SGIP1: variants seen among roughly 807,000 people sequenced by gnomAD.
SGIP1 encodes the protein SH3-containing GRB2-like protein 3-interacting protein 1.
SGIP1 carries 38 observed loss-of-function variants against 107.5 expected under a neutral mutation model. The ratio of observed to expected loss-of-function variants is 0.35; its 90% confidence interval spans 0.27 to 0.46. The LOEUF is 0.46. Ranked by LOEUF, SGIP1 falls within the 20% of genes least tolerant of loss-of-function variation. The pLI is 1.00. For missense variants in SGIP1, 929 were observed against 1,019.5 expected (o/e 0.91, Z 1.21); for synonymous variants, 365 against 366.1 (o/e 1.00, Z 0.03).
chr1:66,546,663 T>C (rs2056453754), intron 1 of SGIP1, among the ~76,000 whole-genome samples: 2 of 152,218 alleles, frequency 1.3e-5, no homozygotes, highest in Admixed American at 1.3e-4. Flanking sequence ...CCTGATGAGG[T>C]GGTGAGAATT....
rs191146565 is a variant in SGIP1, at chr1:66,639,992, T to C, written c.228+159T>C. ...ATGGGGCTAAGAACAATAGAGTCTG[T>C]CAGAACTGGGTTTAAGATCTTGTCC... is the stretch of plus-strand genomic sequence containing the variant. On this transcript the variant is annotated intron_variant, in intron 5 of 24. Coordinates refer to ENST00000371037, the MANE Select transcript of SGIP1 (RefSeq NM_032291.4). 2.7e-3 allele frequency among the ~76,000 whole-genome samples: 407 copies of C among 152,340 alleles called. 1 individual carries two copies. Among genetic ancestry groups the C allele is most frequent in the African/African-American group, 9.4e-3 (389 of 41,588 alleles).
chr1:66,637,841 A>C (rs1177596273), intron 4 of SGIP1, among the ~76,000 whole-genome samples: 2 of 150,002 alleles, frequency 1.3e-5, no homozygotes, highest in Admixed American at 1.3e-4. Flanking sequence ...ATATACATAC[A>C]CACATATATA....
intron 1 of SGIP1, among the ~76,000 whole-genome samples, chr1:66,559,036 C>T (rs2058572809): frequency 6.6e-6 from 1 of 152,050 alleles, no homozygotes; most frequent in South Asian, 2.1e-4. Context: ...GCTAAGCAAA[C>T]TTGAAAGCTC....
intron 7 of SGIP1, among the ~76,000 whole-genome samples, chr1:66,651,570 G>A (rs1303528645): frequency 6.6e-6 from 1 of 152,118 alleles, no homozygotes; most frequent in Non-Finnish European, 1.5e-5. Context: ...ACTCTTTGAA[G>A]GATATCGATG....
chr1:66,718,186 A>G (rs2093348826), intron 18 of SGIP1, among the ~76,000 whole-genome samples: 1 of 152,162 alleles, frequency 6.6e-6, no homozygotes, highest in Admixed American at 6.6e-5. Flanking sequence ...AAGGCAAAAG[A>G]AAACAAGCCT....
At chr1:66,534,667 G>T (rs1465213949) in intron 1 of SGIP1, among the ~76,000 whole-genome samples, 1 of 152,158 alleles carries the variant, frequency 6.6e-6, no homozygotes, top group African/African-American at 2.4e-5. Context: ...CAAATAAGTT[G>T]GGCGAGAAGA....
intron 18 of SGIP1, among the ~76,000 whole-genome samples, chr1:66,713,674 G>A (rs921710391): frequency 2.6e-5 from 4 of 152,094 alleles, no homozygotes; most frequent in Admixed American, 2.0e-4. Context: ...GGAAGGATAT[G>A]CCTCATACAT....
intron 16 of SGIP1, 78 bp downstream of exon 16, chr1:66,689,353 G>A (rs2089291557): frequency 6.5e-7 from 1 of 1,528,104 alleles, no homozygotes; most frequent in African/African-American, 1.4e-5. Context: ...TCAGGTCTAA[G>A]CGTTTAGAGA....
chr1:66,683,873 T>TTTTTCAGTAGAGACAGGG (rs1242567193), intron 15 of SGIP1, among the ~76,000 whole-genome samples: 3 of 151,894 alleles, frequency 2.0e-5, no homozygotes, highest in Non-Finnish European at 2.9e-5. Flanking sequence ...CCAGCTACTT[T>TTTTTCAGTAGAGACAGGG]TTTTCAGTAG....
chr1:66,690,095 G>A, intron 16 of SGIP1, 95 bp from the exon 17 acceptor site: 4 of 1,417,534 alleles, frequency 2.8e-6, no homozygotes, highest in Middle Eastern at 1.8e-4. Flanking sequence ...AGATACCTAA[G>A]TTGTCATATC....
chr1:66,678,793 T>C (rs2085953754), intron 13 of SGIP1, among the ~76,000 whole-genome samples: 8 of 152,150 alleles, frequency 5.3e-5, no homozygotes, highest in Admixed American at 5.2e-4. Context: ...CAGCAAGCGC[T>C]CTCCAGCCAT....
intron 1 of SGIP1, among the ~76,000 whole-genome samples, chr1:66,540,187 C>G (rs2054584757): frequency 6.6e-6 from 1 of 151,814 alleles, no homozygotes; most frequent in South Asian, 2.1e-4. Flanking sequence ...AGACAATATT[C>G]TGCAGTGATA....
At chr1:66,568,717 G>A (rs1332384706) in intron 1 of SGIP1, among the ~76,000 whole-genome samples, 5 of 151,830 alleles carry the variant, frequency 3.3e-5, no homozygotes, top group East Asian at 1.9e-4. Context: ...TTCAACATAC[G>A]CAAATCAATA....
Position 66,740,736 on chromosome 1 carries a change from A to G in SGIP1, c.2299+14A>G, listed in dbSNP as rs1334735269. The G allele has an allele frequency of 1.3e-6, 2 of 1,574,228 alleles. No homozygotes were observed. The highest frequency in any genetic ancestry group is 2.3e-5 in the South Asian group (2 of 88,722). On this transcript the variant is annotated intron_variant, in intron 23 of 24. Coordinates refer to ENST00000371037, the MANE Select transcript of SGIP1 (RefSeq NM_032291.4). ...CAGAAAATGGAGGTAATGGAATCACAAGTTTATTTTATTTAACATGTAAAG... is the reference window on the plus strand; with the variant it reads ...CAGAAAATGGAGGTAATGGAATCACGAGTTTATTTTATTTAACATGTAAAG...
intron 1 of SGIP1, among the ~76,000 whole-genome samples, chr1:66,624,463 T>A (rs965905129): frequency 3.3e-5 from 5 of 152,250 alleles, no homozygotes; most frequent in Non-Finnish European, 5.9e-5. Context: ...AGGACTTTTT[T>A]AAAAATTGAC....
In SGIP1 at chr1:66,681,969, T is replaced by A; in HGVS notation, c.915T>A (p.Ala305=). 6.2e-7 allele frequency: 1 copy of A among 1,614,250 alleles called. No individual in the cohort carries two copies. Among genetic ancestry groups the A allele is most frequent in the Non-Finnish European group, 8.5e-7 (1 of 1,180,048 alleles). ...CAGTATTGTCCCCCAAGTCTGTTGC[T>A]GTTAATGCTGAAGAAAAGTGGGTCC... ...FGPVLSPKSV[A]VNAEEKWVHF... Residue 305 remains alanine, a synonymous_variant, in exon 15 of 25, where the codon GCT becomes GCA. Coordinates refer to ENST00000371037, the MANE Select transcript of SGIP1 (RefSeq NM_032291.4).
intron 1 of SGIP1, among the ~76,000 whole-genome samples, chr1:66,611,725 C>G (rs1473345911): frequency 6.6e-6 from 1 of 152,128 alleles, no homozygotes; most frequent in Non-Finnish European, 1.5e-5. Flanking sequence ...ACAGCACTCT[C>G]TGATGGTTTG....
intron 14 of SGIP1, 68 bp from the exon 15 acceptor site, chr1:66,681,801 C>A: frequency 6.7e-7 from 1 of 1,502,622 alleles, no homozygotes. Flanking sequence ...CAGTCTTTGC[C>A]TCCCTCCCTC....
At chr1:66,552,132 A>G (rs375704039) in intron 1 of SGIP1, among the ~76,000 whole-genome samples, 102 of 152,224 alleles carry the variant, frequency 6.7e-4, no homozygotes, top group African/African-American at 2.4e-3. Context: ...CACTGTGTTT[A>G]CCACCAGGCA....
Sources: allele counts gnomAD v4.1 joint callset (sites outside exome capture counted in the v4.1 genomes callset), GRCh38; gene constraint gnomAD v4.1.1; transcripts MANE v1.5; gene names NCBI Gene and HGNC (gene_info 2026-07-23, HGNC 2026-07-21).